CDS2: variants seen among roughly 807,000 people sequenced by gnomAD.
CDS2 encodes the protein phosphatidate cytidylyltransferase 2.
A neutral mutation model predicts 59.0 loss-of-function variants in CDS2; 47 were observed. That is an observed-to-expected ratio of 0.80 (90% CI 0.63 to 1.02). CDS2 has a LOEUF of 1.02. Ranked by LOEUF, CDS2 falls within the 50% of genes least tolerant of loss-of-function variation. The pLI, the probability that CDS2 is intolerant of heterozygous loss-of-function variation, is 0.00. For synonymous variants in CDS2, 207 were observed against 206.4 expected, an observed-to-expected ratio of 1.00 and a Z score of -0.02; for missense variants, 356 against 558.9, an observed-to-expected ratio of 0.64 and a Z score of 3.66.
intron 1 of CDS2, among the ~76,000 whole-genome samples, chr20:5,129,879 A>G (rs1302754291): frequency 6.6e-6 from 1 of 151,374 alleles, no homozygotes; most frequent in Non-Finnish European, 1.5e-5. Context: ...ACACCTGGCC[A>G]TGTTTGGGAT....
chr20:5,190,273 C>T lies in CDS2; in HGVS notation c.*39C>T, dbSNP rs1600520988. 1.3e-6 allele frequency: 2 copies of T among 1,582,360 alleles called. No homozygotes were observed. The highest frequency in any genetic ancestry group is 1.7e-6 in the Non-Finnish European group (2 of 1,158,596). ...CCAGGAGAACAGGAACAGAACTGAG[C>T]AGGGGCAGGTCTCCAAGGCAAGCCC... On this transcript the variant is annotated 3_prime_UTR_variant, in exon 13 of 13. Transcript: ENST00000460006.
intron 1 of CDS2, among the ~76,000 whole-genome samples, chr20:5,139,994 G>T (rs953731745): frequency 1.3e-5 from 2 of 152,092 alleles, no homozygotes; most frequent in African/African-American, 4.8e-5. Context: ...TAGAGACAGG[G>T]TTTTGCCATG....
intron 9 of CDS2, 65 bp from the exon 10 acceptor site, chr20:5,186,622 G>A: frequency 6.4e-7 from 1 of 1,567,302 alleles, no homozygotes; most frequent in Non-Finnish European, 8.8e-7. Context: ...CAAACCAGGT[G>A]CCTGTGTCTG....
chr20:5,176,397 A>T (rs2090995422), intron 3 of CDS2: 2 of 420,154 alleles, frequency 4.8e-6, no homozygotes, highest in Admixed American at 3.5e-5. Flanking sequence ...TCTTAAAAAA[A>T]AAAAAGTTAA....
intron 1 of CDS2, among the ~76,000 whole-genome samples, chr20:5,163,091 C>T (rs566367593): frequency 6.6e-6 from 1 of 152,264 alleles, no homozygotes; most frequent in South Asian, 2.1e-4. Context: ...TGCTTATTCT[C>T]CCAGCACTTT....
rs375435247 is a variant in CDS2, at chr20:5,189,261, C to G, written c.1101+75C>G. The G allele has an allele frequency of 3.1e-3, 4,921 of 1,564,858 alleles. 167 individuals carry two copies. In the South Asian group the frequency reaches 0.05, roughly 16 times the overall value. ...CTGCCTTTCTCCCCCTTCCCTGCCC[C>G]CTCCAAAATACTAGGCTGTACACCC... On this transcript the variant is annotated intron_variant, in intron 11 of 12. Transcript: ENST00000460006.
chr20:5,173,282 G>A (rs1171155339), intron 1 of CDS2, among the ~76,000 whole-genome samples: 1 of 152,260 alleles, frequency 6.6e-6, no homozygotes, highest in Non-Finnish European at 1.5e-5. Flanking sequence ...CTGCGGTTAA[G>A]CAGATGGTAC....
intron 1 of CDS2, among the ~76,000 whole-genome samples, chr20:5,154,740 C>T (rs59165649): frequency 2.6e-5 from 4 of 152,122 alleles, no homozygotes; most frequent in East Asian, 1.9e-4. Context: ...TTCCACCTCC[C>T]GGGCTCAAGA....
intron 1 of CDS2, among the ~76,000 whole-genome samples, chr20:5,159,943 C>T (rs909763755): frequency 3.3e-5 from 5 of 152,058 alleles, no homozygotes; most frequent in Non-Finnish European, 7.4e-5. Context: ...ACTCAGAATC[C>T]TTGTGATTCA....
intron 5 of CDS2, among the ~76,000 whole-genome samples, 197 bp downstream of exon 5, chr20:5,179,153 ACT>A (rs1182098239): frequency 7.6e-5 from 10 of 131,672 alleles, no homozygotes; most frequent in Non-Finnish European, 1.3e-4. Context: ...CCAGGGTCTC[ACT>A]CTGTCACCCA....
At chr20:5,127,498 CCTT>C (rs1176316875) in intron 1 of CDS2, among the ~76,000 whole-genome samples, 2 of 152,210 alleles carry the variant, frequency 1.3e-5, no homozygotes, top group Non-Finnish European at 2.9e-5. Flanking sequence ...ATATGCAGAG[CCTT>C]CTTAGGGAGG....
At chr20:5,151,515 A>G (rs762196164) in intron 1 of CDS2, among the ~76,000 whole-genome samples, 17 of 152,190 alleles carry the variant, frequency 1.1e-4, no homozygotes, top group African/African-American at 1.4e-4. Context: ...AGTCTCAGCT[A>G]CTTGGGAGGC....
intron 1 of CDS2, among the ~76,000 whole-genome samples, chr20:5,150,936 C>T (rs1163184638): frequency 6.6e-6 from 1 of 152,156 alleles, no homozygotes; most frequent in Non-Finnish European, 1.5e-5. Context: ...AACAAAGTAG[C>T]CAGAGATCAC....
rs1232811086 is a variant in CDS2 at position 5,173,632 on chromosome 20, A to G, written c.167A>G (p.Asn56Ser). The change falls in exon 2 of 13, where the codon AAT becomes AGT. Residue 56 changes from asparagine (N) to serine (S), a missense_variant. Asn to Ser is a conservative substitution (Grantham distance 46). Transcript: ENST00000460006. Reference protein sequence around the residue: ...VSADDTPEVLNRALSNLSSRW... With the variant: ...VSADDTPEVLSRALSNLSSRW... ...GCAGATGATACCCCGGAGGTCCTCA[A>G]TAGGGCCCTTTCCAACTTGTCTTCA... 34 of 1,614,054 alleles carry G rather than the reference A, an allele frequency of 2.1e-5. No homozygotes were observed. The highest frequency in any genetic ancestry group is 2.9e-5 in the Non-Finnish European group (34 of 1,180,028).
chr20:5,127,570 G>A (rs1252152860), intron 1 of CDS2, among the ~76,000 whole-genome samples: 1 of 152,218 alleles, frequency 6.6e-6, no homozygotes, highest in Admixed American at 6.5e-5. Context: ...ATTATTTTGG[G>A]GGGTGGGGGA....
chr20:5,156,967 A>G (rs1384982003), intron 1 of CDS2, among the ~76,000 whole-genome samples: 1 of 152,202 alleles, frequency 6.6e-6, no homozygotes, highest in African/African-American at 2.4e-5. Context: ...CTGATGAATC[A>G]GGTCTAAATT....
intron 1 of CDS2, among the ~76,000 whole-genome samples, chr20:5,163,791 CTTT>C (rs397866016): frequency 1.3e-4 from 6 of 47,930 alleles, no homozygotes; most frequent in Admixed American, 3.3e-4. Context: ...TTCTTTCTTT[CTTT>C]TTTTTTTTTT....
At chr20:5,167,550 G>A (rs149777132) in intron 1 of CDS2, among the ~76,000 whole-genome samples, 1,899 of 152,188 alleles carry the variant, frequency 0.012, 43 homozygotes, top group African/African-American at 0.041. Flanking sequence ...GTATATATAT[G>A]TATATATGTA....
In CDS2 at chr20:5,196,391, C is replaced by G. The variant is rs545688452; in HGVS notation, c.*6157C>G. On this transcript the variant is annotated 3_prime_UTR_variant, in exon 13 of 13. Coordinates refer to ENST00000460006, the MANE Select transcript of CDS2 (RefSeq NM_003818.4). ...GCCGGGGAGGGGGTTGTGGTAAGGG[C>G]CCTCTGGAAATCAAGCAGAGAATGC... 1 of 152,330 alleles carries G rather than the reference C, an allele frequency of 6.6e-6. No individual in the cohort carries two copies. The highest frequency in any genetic ancestry group is 2.4e-5 in the African/African-American group (1 of 41,522). 9.4% of individuals were successfully genotyped at this position (152,330 alleles called of 1,614,324 possible).
Sources: allele counts gnomAD v4.1 joint callset (sites outside exome capture counted in the v4.1 genomes callset), GRCh38; gene constraint gnomAD v4.1.1; transcripts MANE v1.5; gene names NCBI Gene and HGNC (gene_info 2026-07-23, HGNC 2026-07-21).